The following OXNAD1 variants were observed in gnomAD, a reference collection of about 807,000 sequenced individuals.
The protein encoded by OXNAD1 is oxidoreductase NAD binding domain containing 1, also known as oxidoreductase NAD-binding domain-containing protein 1.
OXNAD1 carries 34 observed loss-of-function variants against 32.9 expected under a neutral mutation model. The ratio of observed to expected loss-of-function variants is 1.03; its 90% confidence interval spans 0.79 to 1.38. The LOEUF is 1.38. Ranked by LOEUF, OXNAD1 falls within the 40% of genes most tolerant of loss-of-function variation. The pLI, the probability that OXNAD1 is intolerant of heterozygous loss-of-function variation, is 0.00. For synonymous variants in OXNAD1, 134 were observed against 135.2 expected, an observed-to-expected ratio of 0.99 and a Z score of 0.06; for missense variants, 407 against 379.4, an observed-to-expected ratio of 1.07 and a Z score of -0.60.
intron 4 of OXNAD1, among the ~76,000 whole-genome samples, chr3:16,282,055 TTTTTTTG>T: frequency 6.9e-6 from 1 of 144,838 alleles, no homozygotes; most frequent in African/African-American, 2.6e-5. Flanking sequence ...TTTTTTTTTT[TTTTTTTG>T]TAGAGATGTG....
rs77649264 is a variant in OXNAD1 at position 16,329,415 on chromosome 3, A to G, written c.*31-7697A>G. ...GGAGGGAAGGGAGGAAAGGAGAGAG[A>G]GGTACAAGAATAATCCGTTTACAGG... On this transcript the variant is annotated intron_variant, in intron 9 of 9. Coordinates refer to the OXNAD1 transcript ENST00000435829. This position sits in a 1 kb window ranked among gnomAD's most constrained non-coding sequence, Gnocchi z 4.5. Among the ~76,000 whole-genome samples, 517 of 152,302 alleles carry G rather than the reference A, an allele frequency of 3.4e-3. 4 individuals are homozygous for G. Among genetic ancestry groups the G allele is most frequent in the African/African-American group, 0.012 (497 of 41,564 alleles).
In OXNAD1 at chr3:16,320,666, G is replaced by A. The variant is rs1391322440; in HGVS notation, c.*31-16446G>A. On this transcript the variant is annotated intron_variant, in intron 9 of 9. Coordinates refer to the OXNAD1 transcript ENST00000435829. The surrounding 1 kb of genome is among the most constrained non-coding windows in gnomAD (Gnocchi z 4.5). ...GTTTGGTATAAAAGGAGACAGCACT[G>A]TTCTGAGAAAAGGATGCTCGAGTAG... Among the ~76,000 whole-genome samples, 1 of 152,232 alleles carries A rather than the reference G, an allele frequency of 6.6e-6. No individual in the cohort carries two copies.
At position 16,317,966 on chromosome 3, in the gene OXNAD1, T is replaced by C. The variant is rs1040877655; in HGVS notation, c.*30+14374T>C. Among the ~76,000 whole-genome samples the C allele has an allele frequency of 6.6e-6, 1 of 152,190 alleles. No individual in the cohort carries two copies. The highest frequency in any genetic ancestry group is 2.4e-5 in the African/African-American group (1 of 41,438). On this transcript the variant is annotated intron_variant, in intron 9 of 9. Coordinates refer to the OXNAD1 transcript ENST00000435829. This position sits in a 1 kb window ranked among gnomAD's most constrained non-coding sequence, Gnocchi z 4.3. ...CCCAAATTCTCCCTCTGCCCGCTAC[T>C]GTACCGACAAGTGTTCTAAGGTAAC...
rs1258305080 is a variant in OXNAD1, at chr3:16,302,423, A to G, written c.676-217A>G. Among the ~76,000 whole-genome samples the G allele has an allele frequency of 6.6e-6, 1 of 152,206 alleles. No individual in the cohort carries two copies. The highest frequency in any genetic ancestry group is 1.5e-5 in the Non-Finnish European group (1 of 68,038). On this transcript the variant is annotated intron_variant, in intron 7 of 8. Transcript: ENST00000285083. The surrounding 1 kb of genome is among the most constrained non-coding windows in gnomAD (Gnocchi z 4.2). The stretch of plus-strand genomic sequence containing the variant: ...AGAAAAAACTCCCGGAGAGTTGGTA[A>G]TATGCTTGTTAGCATATTCAGATTT...
rs760844757 is a variant in OXNAD1 at position 16,277,178 on chromosome 3, C to T, written c.183+5456C>T. Among the ~76,000 whole-genome samples, 9 of 152,080 alleles carry T rather than the reference C, an allele frequency of 5.9e-5. No homozygotes were observed. The highest frequency in any genetic ancestry group is 8.8e-5 in the Non-Finnish European group (6 of 68,022). ...TCCTGACCTCATGATCTGCCCTCCT[C>T]GGCCTCCCAAAGTGCTGGGATTACA... On this transcript the variant is annotated intron_variant, in intron 4 of 8. Transcript: ENST00000285083. This position sits in a 1 kb window ranked among gnomAD's most constrained non-coding sequence, Gnocchi z 4.3.
At chr3:16,283,350 G>C (rs1575088602) in intron 4 of OXNAD1, among the ~76,000 whole-genome samples, 2 of 152,164 alleles carry the variant, frequency 1.3e-5, no homozygotes, top group Admixed American at 6.5e-5. Flanking sequence ...AGAACCATCA[G>C]ATGATTTAGG....
chr3:16,293,105 A>G (rs1051970019), intron 5 of OXNAD1, among the ~76,000 whole-genome samples: 2 of 152,242 alleles, frequency 1.3e-5, no homozygotes, highest in African/African-American at 4.8e-5. Flanking sequence ...CTGTGGATCA[A>G]TTTGAGGAGT....
Position 16,317,906 on chromosome 3 carries a change from C to G in OXNAD1, c.*30+14314C>G, listed in dbSNP as rs2068597852. On this transcript the variant is annotated intron_variant, in intron 9 of 9. Coordinates refer to the OXNAD1 transcript ENST00000435829. The surrounding 1 kb of genome is among the most constrained non-coding windows in gnomAD (Gnocchi z 4.3). ...GGATAACGCAAATGCCATCCCAGCT[C>G]CAAGCCAACCTGGGGGATTGTGACT... is the stretch of plus-strand genomic sequence containing the variant. Among the ~76,000 whole-genome samples, 1 of 152,212 alleles carries G rather than the reference C, an allele frequency of 6.6e-6. No individual in the cohort carries two copies.
At chr3:16,349,388 C>T (rs189974476) in exon 10 of OXNAD1, 3 of 152,372 alleles carry the variant, frequency 2.0e-5, no homozygotes, top group Admixed American at 2.0e-4. Context: ...AAGGGGGTAC[C>T]TGAGCCTCCA....
downstream of OXNAD1, among the ~76,000 whole-genome samples, chr3:16,341,169 G>C (rs912196258): frequency 2.0e-5 from 3 of 152,234 alleles, no homozygotes; most frequent in Non-Finnish European, 2.9e-5. This position sits in a 1 kb window ranked among gnomAD's most constrained non-coding sequence, Gnocchi z 4.7. Flanking sequence ...ATGCCGGTGA[G>C]GATGTGGAAC....
intron 5 of OXNAD1, among the ~76,000 whole-genome samples, chr3:16,291,015 G>A (rs2066395590): frequency 6.6e-6 from 1 of 152,072 alleles, no homozygotes; most frequent in Admixed American, 6.6e-5. Flanking sequence ...ATTTTTCTTG[G>A]TATGTGACTA....
At chr3:16,310,781 G>A (rs2125124839), downstream of OXNAD1, among the ~76,000 whole-genome samples, 2 of 152,024 alleles carry the variant, frequency 1.3e-5, no homozygotes, top group South Asian at 4.2e-4. Context: ...CCTGAGGTCG[G>A]GAGTTCAAGA....
At chr3:16,333,961 C>A (rs555940833) in intron 9 of OXNAD1, among the ~76,000 whole-genome samples, 2 of 151,972 alleles carry the variant, frequency 1.3e-5, no homozygotes, top group Non-Finnish European at 2.9e-5. Flanking sequence ...GTCAGGAGAT[C>A]GAGACCATCC....
chr3:16,282,820 CTTTTTTTTTTT>C (rs11379565), intron 4 of OXNAD1, among the ~76,000 whole-genome samples: 17 of 72,014 alleles, frequency 2.4e-4, no homozygotes, highest in African/African-American at 8.3e-4. Context: ...GGACTTTCAG[CTTTTTTTTTTT>C]TTTTTTTTTT....
At position 16,303,579 on chromosome 3, in the gene OXNAD1, G is replaced by GA. The variant is rs1559772513; in HGVS notation, c.*23dup. The stretch of plus-strand genomic sequence containing the variant: ...TGGTGGTAGGAGGCAGACAAAGGCA[G>GA]AAAAAATAAAGAGGTGAGATCTACT... On this transcript the variant is annotated 3_prime_UTR_variant, in exon 9 of 9. Transcript: ENST00000285083. The surrounding 1 kb of genome is among the most constrained non-coding windows in gnomAD (Gnocchi z 4.8). 2 of 1,608,614 alleles carry GA rather than the reference G, an allele frequency of 1.2e-6. No individual in the cohort carries two copies. The highest frequency in any genetic ancestry group is 8.5e-7 in the Non-Finnish European group (1 of 1,177,862).
chr3:16,328,009 C>A (rs940052492), intron 9 of OXNAD1, among the ~76,000 whole-genome samples: 1 of 152,232 alleles, frequency 6.6e-6, no homozygotes. Context: ...AAACATGTAT[C>A]CAGATTCCTT....
chr3:16,266,898 G>A lies in OXNAD1; in HGVS notation c.-159+1393G>A, dbSNP rs879629427. On this transcript the variant is annotated intron_variant, in intron 1 of 8. Transcript: ENST00000285083. ...GAGGAGACTTGCTGAAGATTAGAAA[G>A]CAGGAAGGAGTCACACCTGAGCCCA... is the stretch of plus-strand genomic sequence containing the variant. Among the ~76,000 whole-genome samples the A allele has an allele frequency of 1.8e-4, 28 of 152,216 alleles. 1 individual carries two copies. Among genetic ancestry groups the A allele is most frequent in the Admixed American group, 1.6e-3 (24 of 15,278 alleles).
At chr3:16,349,793 A>G (rs2071969639) in exon 10 of OXNAD1, 1 of 152,280 alleles carries the variant, frequency 6.6e-6, no homozygotes, top group South Asian at 2.1e-4. Context: ...TCTTGTATCT[A>G]GAAAGATTCA....
rs928831879 is a variant in OXNAD1 at position 16,305,296 on chromosome 3, G to A, written c.*1734G>A. 3 of 152,274 alleles carry A rather than the reference G, an allele frequency of 2.0e-5. No homozygotes were observed. The highest frequency in any genetic ancestry group is 2.9e-5 in the Non-Finnish European group (2 of 68,084). The allele number at this position is 152,274 out of a possible 1,614,324, so 9.4% of individuals were successfully genotyped here. A position where few individuals can be genotyped will look rare whatever the true frequency, so the allele number is the denominator to read the frequency against. On this transcript the variant is annotated 3_prime_UTR_variant, in exon 9 of 9. Coordinates refer to ENST00000285083, the MANE Select transcript of OXNAD1 (RefSeq NM_138381.5). The surrounding 1 kb of genome is among the most constrained non-coding windows in gnomAD (Gnocchi z 4.5). ...AGCATCTCCAGTGCAGCATGGGATGGGAAGATAGGGAGGTGTCGCCCACTG... is the reference window on the plus strand; with the variant it reads ...AGCATCTCCAGTGCAGCATGGGATGAGAAGATAGGGAGGTGTCGCCCACTG...
Sources: gnomAD v4.1 joint callset for allele counts (sites outside exome capture counted in the v4.1 genomes callset) on GRCh38, gnomAD v4.1.1 for gene constraint, Gnocchi (gnomAD v3.1) non-coding constraint, MANE v1.5 for transcripts, NCBI Gene and HGNC (gene_info 2026-07-23, HGNC 2026-07-21) for gene names.